FUT8: variants seen among roughly 807,000 people sequenced by gnomAD.
FUT8 encodes alpha-(1,6)-fucosyltransferase.
Under a neutral mutation model 71.3 loss-of-function variants are expected in FUT8, and 29 were observed. The observed-to-expected ratio is 0.41, with a 90% confidence interval of 0.30 to 0.55. The LOEUF is 0.55. Ranked by LOEUF, FUT8 falls within the 20% of genes least tolerant of loss-of-function variation. The pLI is 0.34. For synonymous variants in FUT8, 254 were observed against 239.3 expected (o/e 1.06, Z -0.57); for missense variants, 544 against 702.1 (o/e 0.77, Z 2.55).
At chr14:65,372,979 T>C in the FUT8 span, among the ~76,000 whole-genome samples, 1 of 152,006 alleles carries the variant, frequency 6.6e-6, no homozygotes, top group African/African-American at 2.4e-5. Flanking sequence ...GGGTAGGGAG[T>C]AGAGATGCCA....
chr14:65,724,120 C>G (rs1422955167), intron 8 of FUT8, 27 bp from the exon 9 acceptor site: 1 of 1,533,662 alleles, frequency 6.5e-7, no homozygotes, highest in South Asian at 1.3e-5. Context: ...CAGTACATTA[C>G]CAGTAGAATC....
intron 6 of FUT8, among the ~76,000 whole-genome samples, chr14:65,666,271 A>G (rs1228112369): frequency 2.6e-5 from 4 of 152,106 alleles, no homozygotes; most frequent in Admixed American, 2.6e-4. Context: ...TTTCCTGAAT[A>G]AGAAACGTAC....
intron 2 of FUT8, among the ~76,000 whole-genome samples, chr14:65,456,955 C>A (rs1481817630): frequency 1.3e-5 from 2 of 151,724 alleles, no homozygotes; most frequent in Non-Finnish European, 2.9e-5. Context: ...TAATTTGATA[C>A]CTTTATGTAA....
the FUT8 span, among the ~76,000 whole-genome samples, chr14:65,383,463 C>T: frequency 6.6e-6 from 1 of 151,844 alleles, no homozygotes; most frequent in South Asian, 2.1e-4. Context: ...TTAGTAGAGA[C>T]GGGGTTTCAC....
At chr14:65,674,145 ATATGT>A (rs1566888567) in intron 7 of FUT8, among the ~76,000 whole-genome samples, 1 of 152,204 alleles carries the variant, frequency 6.6e-6, no homozygotes, top group Non-Finnish European at 1.5e-5. Context: ...ATAGATATGC[ATATGT>A]TAAGTCTTTT....
chr14:65,711,228 C>A lies in FUT8; in HGVS notation c.836-10547C>A, dbSNP rs894320938. Among the ~76,000 whole-genome samples, 3 of 152,150 alleles carry A rather than the reference C, an allele frequency of 2.0e-5. No homozygotes were observed. In the South Asian group the frequency reaches 6.2e-4, roughly 32 times the overall value. The stretch of plus-strand genomic sequence containing the variant: ...TGAATAAAGAATAAAAAACTGAGTT[C>A]TCTGTCTTAAATATGTGGGCAGTTT... On this transcript the variant is annotated intron_variant, in intron 7 of 10. Coordinates refer to ENST00000673929, the MANE Select transcript of FUT8 (RefSeq NM_001371533.1).
At chr14:65,622,907 T>C (rs1444066781) in intron 5 of FUT8, among the ~76,000 whole-genome samples, 1 of 109,822 alleles carries the variant, frequency 9.1e-6, no homozygotes, top group African/African-American at 3.5e-5. Flanking sequence ...GGGGAGCTTC[T>C]CTGTTTTTTT....
chr14:65,692,997 G>T (rs1440131871), intron 7 of FUT8, among the ~76,000 whole-genome samples: 2 of 151,952 alleles, frequency 1.3e-5, no homozygotes, highest in Non-Finnish European at 2.9e-5. Context: ...ATGGCGGCCG[G>T]GCAGAGATGC....
At chr14:65,616,961 C>A in intron 5 of FUT8, 1 of 1,091,056 alleles carries the variant, frequency 9.2e-7, no homozygotes, top group Non-Finnish European at 1.3e-6. Flanking sequence ...TGAAGTTTAT[C>A]TTCCACAGAA....
rs951997681 is a variant in FUT8 at position 65,574,292 on chromosome 14, A to G, written c.203+12526A>G. ...TTTTAAACACAGTCATGGAAGATAC[A>G]TTCCATCATCTTTGCAATATTCTAT... On this transcript the variant is annotated intron_variant, in intron 3 of 10. Coordinates refer to ENST00000673929, the MANE Select transcript of FUT8 (RefSeq NM_001371533.1). The surrounding 1 kb of genome is among the most constrained non-coding windows in gnomAD (Gnocchi z 5.2). 6.6e-6 allele frequency among the ~76,000 whole-genome samples: 1 copy of G among 152,154 alleles called. No homozygotes were observed. The highest frequency in any genetic ancestry group is 1.5e-5 in the Non-Finnish European group (1 of 68,038).
chr14:65,629,603 T>G lies in FUT8; in HGVS notation c.594T>G (p.Leu198=). The G allele has an allele frequency of 6.2e-7, 1 of 1,605,428 alleles. No individual in the cohort carries two copies. Reference sequence around the variant, plus strand: ...TGGTTCAGCGGAGAATAACATATCTTCAGGTAAGAAGGTTGGGTTAAGAAT... The same window carrying G: ...TGGTTCAGCGGAGAATAACATATCTGCAGGTAAGAAGGTTGGGTTAAGAAT... ...TELVQRRITY[L]QNPKDCSKAK... is the part of the protein sequence containing the mutation. Residue 198 remains leucine, a synonymous_variant, in exon 6 of 11, where the codon CTT becomes CTG. Coordinates refer to ENST00000673929, the MANE Select transcript of FUT8 (RefSeq NM_001371533.1).
chr14:65,706,621 G>A (rs981986508), intron 7 of FUT8, among the ~76,000 whole-genome samples: 5 of 152,164 alleles, frequency 3.3e-5, no homozygotes, highest in Non-Finnish European at 7.4e-5. Context: ...ATGAGGGCCT[G>A]CTTCCTTATG....
chr14:65,434,489 G>T (rs1216498526), intron 1 of FUT8, among the ~76,000 whole-genome samples: 1 of 152,178 alleles, frequency 6.6e-6, no homozygotes, highest in Admixed American at 6.5e-5. Flanking sequence ...GAGGATAGAT[G>T]TTGTTAACCA....
At chr14:65,583,761 T>C (rs1887217074) in intron 3 of FUT8, among the ~76,000 whole-genome samples, 1 of 152,250 alleles carries the variant, frequency 6.6e-6, no homozygotes. Flanking sequence ...AGCTGTTTGC[T>C]CTTCCCAACC....
chr14:65,496,906 G>GA (rs373775503), intron 2 of FUT8, among the ~76,000 whole-genome samples: 61 of 152,152 alleles, frequency 4.0e-4, no homozygotes, highest in African/African-American at 1.4e-3. Context: ...GGGTTGTCTT[G>GA]AATTCTGTCT....
At chr14:65,729,943 A>G (rs1252459368) in intron 9 of FUT8, among the ~76,000 whole-genome samples, 1 of 150,338 alleles carries the variant, frequency 6.7e-6, no homozygotes, top group East Asian at 1.9e-4. Context: ...TTTCGACTTG[A>G]GTCGTTTCTC....
intron 2 of FUT8, among the ~76,000 whole-genome samples, chr14:65,503,273 A>G (rs1422685486): frequency 6.6e-6 from 1 of 152,208 alleles, no homozygotes; most frequent in East Asian, 1.9e-4. Flanking sequence ...GAAACTGAGT[A>G]ATGGAGGACA....
At chr14:65,383,734 A>G in the FUT8 span, among the ~76,000 whole-genome samples, 1 of 152,130 alleles carries the variant, frequency 6.6e-6, no homozygotes, top group Non-Finnish European at 1.5e-5. Context: ...CTTTGCGTAT[A>G]CTATTCTCTT....
intron 6 of FUT8, among the ~76,000 whole-genome samples, chr14:65,657,250 A>G (rs955359822): frequency 1.3e-5 from 2 of 152,188 alleles, no homozygotes; most frequent in African/African-American, 4.8e-5. Flanking sequence ...TACAACCACT[A>G]TGAAGAACAG....
Sources: allele counts gnomAD v4.1 joint callset (sites outside exome capture counted in the v4.1 genomes callset), GRCh38; gene constraint gnomAD v4.1.1; non-coding constraint Gnocchi (gnomAD v3.1); transcripts MANE v1.5; gene names NCBI Gene and HGNC (gene_info 2026-07-23, HGNC 2026-07-21).